Variants in THUMPD2 observed in about 807,000 individuals in gnomAD.
THUMPD2 encodes THUMP domain 2 tRNA and snRNA guanosine methyltransferase, also known as U6 snRNA (guanine-N(2))-methyltransferase THUMPD2.
Under a neutral mutation model 49.4 loss-of-function variants are expected in THUMPD2, and 56 were observed. That is an observed-to-expected ratio of 1.13 (90% CI 0.91 to 1.41). The LOEUF (loss-of-function observed/expected upper bound fraction) is 1.41, where lower values mean the gene tolerates loss of function less well. THUMPD2 is among the 40% of genes most tolerant of loss of function. The pLI is 0.00. For missense variants in THUMPD2, 709 were observed against 594.5 expected, an observed-to-expected ratio of 1.19 and a Z score of -2.00; for synonymous variants, 237 against 205.2, an observed-to-expected ratio of 1.15 and a Z score of -1.32.
At chr2:39,764,474 T>C (rs890392086) in intron 5 of THUMPD2, among the ~76,000 whole-genome samples, 2 of 152,236 alleles carry the variant, frequency 1.3e-5, no homozygotes, top group Non-Finnish European at 1.5e-5. Context: ...AACAGCTATA[T>C]ACAGTTAATG....
At chr2:39,748,346 C>A (rs72936096) in intron 8 of THUMPD2, among the ~76,000 whole-genome samples, 4,163 of 152,260 alleles carry the variant, frequency 0.027, 180 homozygotes, top group African/African-American at 0.094. Context: ...TATGCAGAAG[C>A]ATTTTTTTTG....
chr2:39,769,543 A>C lies in THUMPD2; in HGVS notation c.672+167T>G, dbSNP rs1376767882. 5.1e-6 allele frequency: 3 copies of C among 583,240 alleles called. No homozygotes were observed. The East Asian group carries it at 9.9e-5, about 19-fold the overall frequency. 36.1% of individuals were successfully genotyped at this position (583,240 alleles called of 1,614,324 possible). ...ATGGTGAAACCCTGTCTCTACTAAAAATACAAAAATTAGCTGGGTGTGGTG... is the reference window on the plus strand; with the variant it reads ...ATGGTGAAACCCTGTCTCTACTAAACATACAAAAATTAGCTGGGTGTGGTG... On this transcript the variant is annotated intron_variant, in intron 3 of 9. Coordinates refer to ENST00000505747, the MANE Select transcript of THUMPD2 (RefSeq NM_025264.5).
chr2:39,748,761 G>C (rs998485027), intron 8 of THUMPD2, among the ~76,000 whole-genome samples: 3 of 152,008 alleles, frequency 2.0e-5, no homozygotes, highest in East Asian at 3.9e-4. Context: ...AGGCTGAGCT[G>C]GGAGGATCAT....
At chr2:39,768,136 G>A (rs1217254794) in intron 4 of THUMPD2, among the ~76,000 whole-genome samples, 2 of 152,064 alleles carry the variant, frequency 1.3e-5, no homozygotes, top group African/African-American at 2.4e-5. Context: ...AGAGACTATA[G>A]AGAACATCGC....
At chr2:39,757,334 T>A (rs1676275420) in intron 6 of THUMPD2, 1 of 1,232,762 alleles carries the variant, frequency 8.1e-7, no homozygotes, top group Non-Finnish European at 1.1e-6. Flanking sequence ...GAGTCCTCAG[T>A]GCACAGCCAG....
At chr2:39,761,296 C>G (rs2148292400) in intron 6 of THUMPD2, 35 bp downstream of exon 6, 2 of 1,575,990 alleles carry the variant, frequency 1.3e-6, no homozygotes, top group South Asian at 1.1e-5. Context: ...TGAAAAGAAC[C>G]TTGCTATTAA....
Position 39,766,062 on chromosome 2 carries a change from C to T in THUMPD2, c.798G>A (p.Val266=). 2 of 1,583,012 alleles carry T rather than the reference C, an allele frequency of 1.3e-6. No individual in the cohort carries two copies. Among genetic ancestry groups the T allele is most frequent in the Non-Finnish European group, 1.7e-6 (2 of 1,168,990 alleles). ...CGGAAGCTTAGAATATCTACCTGAA[C>T]ACAGGAATCCCCACCACAGAGTAAA... ...NDIYSVVGIP[V]FRVSLASRAY... Residue 266 remains valine, a synonymous_variant, in exon 5 of 10, where the codon GTG becomes GTA. Transcript: ENST00000505747.
intron 8 of THUMPD2, 70 bp from the exon 9 acceptor site, chr2:39,744,548 T>C (rs1363585790): frequency 2.0e-5 from 20 of 997,220 alleles, no homozygotes; most frequent in South Asian, 8.4e-5. Context: ...AATGAGAAAA[T>C]TGAAGTACAC....
Position 39,736,956 on chromosome 2 carries a change from T to G in THUMPD2, c.1291A>C (p.Ser431Arg), listed in dbSNP as rs1478551464. 1 of 1,614,176 alleles carries G rather than the reference T, an allele frequency of 6.2e-7. No homozygotes were observed. The highest frequency in any genetic ancestry group is 1.7e-5 in the Admixed American group (1 of 60,022). ...TTAATTCCAGGTTCATCTGTGTGAC[T>G]GTCCTTGGAATTGAAAGGGATGTTG... ...ESNIPFNSKDSHTDEPGIKKC... is the reference protein window; with the variant it reads ...ESNIPFNSKDRHTDEPGIKKC... Residue 431 changes from serine to arginine, a missense_variant, in exon 10 of 10, where the codon AGT becomes CGT. Coordinates refer to ENST00000505747, the MANE Select transcript of THUMPD2 (RefSeq NM_025264.5).
intron 1 of THUMPD2, among the ~76,000 whole-genome samples, chr2:39,773,604 TAA>T (rs1678654662): frequency 7.3e-6 from 1 of 136,950 alleles, no homozygotes; most frequent in Non-Finnish European, 1.5e-5. Context: ...ATTTATATTT[TAA>T]AAATATATAT....
At chr2:39,764,843 T>C (rs1411647354) in intron 5 of THUMPD2, among the ~76,000 whole-genome samples, 1 of 152,184 alleles carries the variant, frequency 6.6e-6, no homozygotes, top group Non-Finnish European at 1.5e-5. Context: ...GTAACCTCAT[T>C]TTCAACTAGT....
chr2:39,749,769 CT>C (rs1675140565), intron 8 of THUMPD2, among the ~76,000 whole-genome samples: 1 of 152,166 alleles, frequency 6.6e-6, no homozygotes, highest in East Asian at 1.9e-4. Flanking sequence ...CCACCTCCCC[CT>C]GACAGACCCC....
chr2:39,739,206 C>A (rs1673562473), intron 9 of THUMPD2, among the ~76,000 whole-genome samples: 1 of 152,134 alleles, frequency 6.6e-6, no homozygotes, highest in South Asian at 2.1e-4. Flanking sequence ...CAAATACATT[C>A]TAACCCCCTT....
intron 8 of THUMPD2, among the ~76,000 whole-genome samples, chr2:39,750,642 G>T (rs1000750426): frequency 6.6e-6 from 1 of 152,128 alleles, no homozygotes; most frequent in Non-Finnish European, 1.5e-5. Flanking sequence ...GGGAGGTGGA[G>T]GTTGCAGTGA....
chr2:39,765,976 A>G, intron 5 of THUMPD2, 81 bp downstream of exon 5: 1 of 1,116,338 alleles, frequency 9.0e-7, no homozygotes, highest in South Asian at 1.4e-5. Context: ...TGAATGCTTC[A>G]TTCATGCTGT....
At chr2:39,767,019 A>G (rs1288056280) in intron 4 of THUMPD2, among the ~76,000 whole-genome samples, 1 of 152,240 alleles carries the variant, frequency 6.6e-6, no homozygotes, top group African/African-American at 2.4e-5. Flanking sequence ...TATTAAGAAT[A>G]GCCTCTCCCA....
chr2:39,769,776 C>T lies in THUMPD2; in HGVS notation c.606G>A (p.Gln202=). 2 of 1,597,790 alleles carry T rather than the reference C, an allele frequency of 1.3e-6. No individual in the cohort carries two copies. The highest frequency in any genetic ancestry group is 1.7e-6 in the Non-Finnish European group (2 of 1,175,608). ...AAGATACTCTGAAAGTCAAGTCATT[C>T]TGATTATGAGTATCAATTGCTTTCT... ...DIEKAIDTHN[Q]NDLTFRVSCR... is the part of the protein sequence containing the mutation. The change falls in exon 3 of 10, where the codon CAG becomes CAA. Residue 202 remains glutamine (Q), a synonymous_variant. Coordinates refer to ENST00000505747, the MANE Select transcript of THUMPD2 (RefSeq NM_025264.5).
intron 9 of THUMPD2, among the ~76,000 whole-genome samples, chr2:39,740,648 C>G (rs375916667): frequency 2.1e-4 from 32 of 151,760 alleles, no homozygotes; most frequent in African/African-American, 7.8e-4. Flanking sequence ...GAGATGGGGT[C>G]ACTCCGTCAC....
At chr2:39,754,236 G>A (rs1008239155) in intron 8 of THUMPD2, among the ~76,000 whole-genome samples, 1 of 152,182 alleles carries the variant, frequency 6.6e-6, no homozygotes, top group Non-Finnish European at 1.5e-5. Context: ...ATGAAAGCTT[G>A]CAGTCTAGTC....
Sources: gnomAD v4.1 joint callset for allele counts (sites outside exome capture counted in the v4.1 genomes callset) on GRCh38, gnomAD v4.1.1 for gene constraint, MANE v1.5 for transcripts, NCBI Gene and HGNC (gene_info 2026-07-23, HGNC 2026-07-21) for gene names.